The following ANKRD34C variants were observed in gnomAD, a reference collection of about 807,000 sequenced individuals.
ANKRD34C encodes ankyrin repeat domain-containing protein 34C.
For missense variants in ANKRD34C, 563 were observed against 653.0 expected, an observed-to-expected ratio of 0.86 and a Z score of 1.50; for synonymous variants, 260 against 253.6, an observed-to-expected ratio of 1.03 and a Z score of -0.24.
Position 79,294,607 on chromosome 15 carries a change from T to C in ANKRD34C, c.1323T>C (p.Leu441=), listed in dbSNP as rs931320453. ...PSSARRRPPH[L]LERRGSGTLL... is the part of the protein sequence containing the mutation. ...CAGCACGCCGCAGGCCGCCACATCT[T>C]CTAGAACGACGAGGTTCTGGAACTC... Residue 441 remains leucine, a synonymous_variant, in exon 2 of 2, where the codon CTT becomes CTC. Transcript: ENST00000421388. The C allele has an allele frequency of 6.4e-7, 1 of 1,551,752 alleles. No individual in the cohort carries two copies. The highest frequency in any genetic ancestry group is 8.7e-7 in the Non-Finnish European group (1 of 1,146,998).
rs77581530 is a variant in ANKRD34C at position 79,289,634 on chromosome 15, A to G, written c.-44-3607A>G. Among the ~76,000 whole-genome samples, 515 of 152,278 alleles carry G rather than the reference A, an allele frequency of 3.4e-3. 4 individuals carry two copies. The highest frequency in any genetic ancestry group is 0.026 in the East Asian group (134 of 5,182). ...GTACGTGATTTGCACTGCACACAAC[A>G]TAAAAGGTAACCCGATTATCCATCC... On this transcript the variant is annotated intron_variant, in intron 1 of 1. Coordinates refer to ENST00000421388, the MANE Select transcript of ANKRD34C (RefSeq NM_001146341.2).
rs2058632340 is a variant in ANKRD34C at position 79,282,927 on chromosome 15, A to AAACCG, written c.-342_-341insGAACC. Among the ~76,000 whole-genome samples, 1 of 152,132 alleles carries AAACCG rather than the reference A, an allele frequency of 6.6e-6. No individual in the cohort carries two copies. The highest frequency in any genetic ancestry group is 1.5e-5 in the Non-Finnish European group (1 of 68,010). ...TCTTAAAACCAAACCAAACCAAACCAAACCCAAAACTCCCCTGCTCCCACC... is the reference window on the plus strand; with the variant it reads ...TCTTAAAACCAAACCAAACCAAACCAAACCGAACCCAAAACTCCCCTGCTCCCACC... On this transcript the variant is annotated 5_prime_UTR_variant, in exon 1 of 2. Transcript: ENST00000421388.
chr15:79,294,543 G>A lies in ANKRD34C; in HGVS notation c.1259G>A (p.Arg420Gln), dbSNP rs1011138764. The A allele has an allele frequency of 5.8e-6, 9 of 1,551,652 alleles. No homozygotes were observed. The highest frequency in any genetic ancestry group is 2.0e-5 in the Admixed American group (1 of 51,000). Residue 420 changes from arginine (R) to glutamine (Q), a missense_variant, in exon 2 of 2, where the codon CGG (arginine) becomes CAG (glutamine). Coordinates refer to ENST00000421388, the MANE Select transcript of ANKRD34C (RefSeq NM_001146341.2). ...SSHLSLFHGS[R>Q]ESLDTVPSTS... is the part of the protein sequence containing the mutation. Reference sequence around the variant, plus strand: ...CACTTGTCTCTTTTCCATGGCTCTCGGGAGTCCCTGGACACTGTACCTAGC... The same window carrying A: ...CACTTGTCTCTTTTCCATGGCTCTCAGGAGTCCCTGGACACTGTACCTAGC...
intron 1 of ANKRD34C, among the ~76,000 whole-genome samples, chr15:79,288,265 G>T (rs1254916017): frequency 6.6e-6 from 1 of 152,200 alleles, no homozygotes; most frequent in Non-Finnish European, 1.5e-5. Flanking sequence ...GAAGGAAAAT[G>T]AAAAGTGACG....
At chr15:79,292,690 C>G (rs1223626134) in intron 1 of ANKRD34C, among the ~76,000 whole-genome samples, 2 of 152,144 alleles carry the variant, frequency 1.3e-5, no homozygotes, top group Non-Finnish European at 2.9e-5. Flanking sequence ...AATACGGAAC[C>G]ACTCATAATC....
chr15:79,284,864 T>C (rs77650216), intron 1 of ANKRD34C, among the ~76,000 whole-genome samples: 1 of 152,228 alleles, frequency 6.6e-6, no homozygotes, highest in Non-Finnish European at 1.5e-5. Context: ...TAGCTTATAA[T>C]CCTTCCACAT....
In ANKRD34C at chr15:79,294,939, C is replaced by A. The variant is rs2058668823; in HGVS notation, c.*47C>A. On this transcript the variant is annotated 3_prime_UTR_variant, in exon 2 of 2. Coordinates refer to ENST00000421388, the MANE Select transcript of ANKRD34C (RefSeq NM_001146341.2). ...TAGTCAATATAGTTTATGGAAGGGA[C>A]TATGGATGAGACTGCTTCCTGATCA... The A allele has an allele frequency of 1.4e-6, 2 of 1,466,480 alleles. No individual in the cohort carries two copies. Among genetic ancestry groups the A allele is most frequent in the African/African-American group, 1.4e-5 (1 of 70,164 alleles). The allele number at this position is 1,466,480 out of a possible 1,614,324, so 90.8% of individuals were successfully genotyped here.
chr15:79,285,895 A>G (rs568375456), intron 1 of ANKRD34C, among the ~76,000 whole-genome samples: 111 of 152,246 alleles, frequency 7.3e-4, no homozygotes, highest in African/African-American at 2.7e-3. Flanking sequence ...TCAGAGAGAG[A>G]AAAGTTTCAA....
chr15:79,296,177 A>G lies in ANKRD34C; in HGVS notation c.*1285A>G, dbSNP rs1567017276. 1 of 167,032 alleles carries G rather than the reference A, an allele frequency of 6.0e-6. No individual in the cohort carries two copies. Among genetic ancestry groups the G allele is most frequent in the Non-Finnish European group, 1.5e-5 (1 of 68,126 alleles). 10.3% of individuals were successfully genotyped at this position (167,032 alleles called of 1,614,324 possible). On this transcript the variant is annotated 3_prime_UTR_variant, in exon 2 of 2. Coordinates refer to ENST00000421388, the MANE Select transcript of ANKRD34C (RefSeq NM_001146341.2). The stretch of plus-strand genomic sequence containing the variant: ...GAGGACAGCATCATATAGAGGAAAG[A>G]GGGCTTTGAGTCTGACATATTTGGG...
At chr15:79,292,592 G>A (rs1352545505) in intron 1 of ANKRD34C, among the ~76,000 whole-genome samples, 1 of 152,154 alleles carries the variant, frequency 6.6e-6, no homozygotes, top group Non-Finnish European at 1.5e-5. Flanking sequence ...GATTGATTTG[G>A]TTTTACAGTT....
At position 79,296,969 on chromosome 15, in the gene ANKRD34C, A is replaced by G. The variant is rs2058673784; in HGVS notation, c.*2077A>G. ...TTGTGCTTTAGTAAGAGGACTAATC[A>G]ATACTAGTGTTGGGCCTTCAGGATT... On this transcript the variant is annotated 3_prime_UTR_variant, in exon 2 of 2. Coordinates refer to ENST00000421388, the MANE Select transcript of ANKRD34C (RefSeq NM_001146341.2). 6.0e-6 allele frequency: 1 copy of G among 167,108 alleles called. No individual in the cohort carries two copies. Among genetic ancestry groups the G allele is most frequent in the African/African-American group, 2.4e-5 (1 of 41,456 alleles). The allele number at this position is 167,108 out of a possible 1,614,324, so 10.4% of individuals were successfully genotyped here. A position where few individuals can be genotyped will look rare whatever the true frequency, so the allele number is the denominator to read the frequency against.
chr15:79,294,024 T>C lies in ANKRD34C; in HGVS notation c.740T>C (p.Leu247Pro), dbSNP rs1259174590. The part of the protein sequence containing the change: ...SNLKRARLPQ[L>P]KRLQSEPWGL... ...CTCAAAAGGGCCCGTTTGCCTCAACTGAAGAGGCTCCAGTCTGAACCTTGG... is the reference window on the plus strand; with the variant it reads ...CTCAAAAGGGCCCGTTTGCCTCAACCGAAGAGGCTCCAGTCTGAACCTTGG... Residue 247 changes from leucine to proline, a missense_variant, in exon 2 of 2, where the codon CTG (leucine) becomes CCG (proline). Leu to Pro is a moderately conservative substitution (Grantham distance 98). Transcript: ENST00000421388. The C allele has an allele frequency of 6.4e-7, 1 of 1,551,492 alleles. No individual in the cohort carries two copies. Among genetic ancestry groups the C allele is most frequent in the Non-Finnish European group, 8.7e-7 (1 of 1,146,978 alleles).
chr15:79,285,402 T>C (rs1036600829), intron 1 of ANKRD34C, among the ~76,000 whole-genome samples: 8 of 152,202 alleles, frequency 5.3e-5, no homozygotes, highest in Non-Finnish European at 1.2e-4. Context: ...AAATAAAGTG[T>C]ATGACATTGT....
In ANKRD34C at chr15:79,294,941, A is replaced by T; in HGVS notation, c.*49A>T. 1 of 1,464,176 alleles carries T rather than the reference A, an allele frequency of 6.8e-7. No individual in the cohort carries two copies. Among genetic ancestry groups the T allele is most frequent in the South Asian group, 1.5e-5 (1 of 68,138 alleles). 90.7% of individuals were successfully genotyped at this position (1,464,176 alleles called of 1,614,324 possible). A position where few individuals can be genotyped will look rare whatever the true frequency, so the allele number is the denominator to read the frequency against. ...GTCAATATAGTTTATGGAAGGGACT[A>T]TGGATGAGACTGCTTCCTGATCATT... On this transcript the variant is annotated 3_prime_UTR_variant, in exon 2 of 2. Coordinates refer to ENST00000421388, the MANE Select transcript of ANKRD34C (RefSeq NM_001146341.2).
Position 79,293,990 on chromosome 15 carries a change from G to T in ANKRD34C, c.706G>T (p.Val236Phe). 4.5e-6 allele frequency: 7 copies of T among 1,551,708 alleles called. No homozygotes were observed. Among genetic ancestry groups the T allele is most frequent in the Non-Finnish European group, 5.2e-6 (6 of 1,147,000 alleles). The change falls in exon 2 of 2, where the codon GTC (valine) becomes TTC (phenylalanine). Residue 236 changes from valine to phenylalanine, a missense_variant. By Grantham distance (50) the Val-to-Phe change is conservative (BLOSUM62 -1). Coordinates refer to ENST00000421388, the MANE Select transcript of ANKRD34C (RefSeq NM_001146341.2). Reference sequence around the variant, plus strand: ...TGAGCCTGGGTCACCCACCAGGAAAGTCAGTAATCTCAAAAGGGCCCGTTT... The same window carrying T: ...TGAGCCTGGGTCACCCACCAGGAAATTCAGTAATCTCAAAAGGGCCCGTTT... ...VNEPGSPTRKVSNLKRARLPQ... is the reference protein window; with the variant it reads ...VNEPGSPTRKFSNLKRARLPQ...
chr15:79,292,765 A>C (rs761739891), intron 1 of ANKRD34C, among the ~76,000 whole-genome samples: 33 of 152,232 alleles, frequency 2.2e-4, no homozygotes, highest in South Asian at 2.1e-4. Context: ...ATGTGCACCA[A>C]CAACAACACA....
At chr15:79,285,144 G>A (rs2058639984) in intron 1 of ANKRD34C, among the ~76,000 whole-genome samples, 1 of 152,200 alleles carries the variant, frequency 6.6e-6, no homozygotes, top group Non-Finnish European at 1.5e-5. Flanking sequence ...TAAGGCTATA[G>A]CCACAGATAA....
Position 79,293,488 on chromosome 15 carries a change from G to A in ANKRD34C, c.204G>A (p.Val68=), listed in dbSNP as rs1193356586. The change falls in exon 2 of 2, where the codon GTG becomes GTA. Residue 68 remains valine (V), a synonymous_variant. Transcript: ENST00000421388. ...DQQSISKSKM[V]KYLLDNRADP... ...AAAGCATCAGCAAGTCCAAGATGGT[G>A]AAGTACCTGCTGGACAACAGGGCAG... 1.9e-6 allele frequency: 3 copies of A among 1,551,666 alleles called. No homozygotes were observed. Among genetic ancestry groups the A allele is most frequent in the Non-Finnish European group, 2.6e-6 (3 of 1,146,970 alleles).
intron 1 of ANKRD34C, among the ~76,000 whole-genome samples, chr15:79,290,635 T>G (rs1384252137): frequency 6.6e-6 from 1 of 152,206 alleles, no homozygotes; most frequent in African/African-American, 2.4e-5. Flanking sequence ...GCAGCTGGGT[T>G]CTAAGACAGC....
Sources: gnomAD v4.1 joint callset for allele counts (sites outside exome capture counted in the v4.1 genomes callset) on GRCh38, gnomAD v4.1.1 for gene constraint, MANE v1.5 for transcripts, NCBI Gene and HGNC (gene_info 2026-07-23, HGNC 2026-07-21) for gene names.